The following LARP1B variants were observed in gnomAD, a reference collection of about 807,000 sequenced individuals.
The protein encoded by LARP1B is La ribonucleoprotein 1B.
A neutral mutation model predicts 114.2 loss-of-function variants in LARP1B; 76 were observed. The ratio of observed to expected loss-of-function variants is 0.67; its 90% CI spans 0.55 to 0.81. The LOEUF (loss-of-function observed/expected upper bound fraction) is 0.81, where lower values mean the gene tolerates loss of function less well. Among genes scored for constraint, LARP1B ranks in the 30% least tolerant of loss-of-function variants. LARP1B has a pLI of 0.00. For synonymous variants in LARP1B, 345 were observed against 348.0 expected (o/e 0.99, Z 0.10); for missense variants, 1,014 against 1,075.8 (o/e 0.94, Z 0.80).
intron 10 of LARP1B, among the ~76,000 whole-genome samples, chr4:128,117,145 G>C (rs1283972815): frequency 6.6e-6 from 1 of 151,404 alleles, no homozygotes; most frequent in Admixed American, 6.6e-5. Flanking sequence ...CTCCTGATCC[G>C]CCTGCCTTAG....
rs1355152751 is a variant in LARP1B, at chr4:128,200,575, TCTG to T, written c.2220_2222del (p.Phe740_Trp741delinsLeu). On this transcript the variant is annotated inframe_deletion, in exon 17 of 20. Transcript: ENST00000326639. ...CAAGAAATGAATACCCTCTTTCGTTTCTGGTCCTTTTTCCTCAGAGATCACTTC... is the reference window on the plus strand; with the variant it reads ...CAAGAAATGAATACCCTCTTTCGTTTGTCCTTTTTCCTCAGAGATCACTTC... 6.3e-7 allele frequency: 1 copy of T among 1,595,876 alleles called. No homozygotes were observed. Among genetic ancestry groups the T allele is most frequent in the Admixed American group, 1.7e-5 (1 of 58,108 alleles).
chr4:128,063,427 CAA>C (rs763868048), intron 1 of LARP1B, among the ~76,000 whole-genome samples: 12 of 13,218 alleles, frequency 9.1e-4, no homozygotes, highest in Admixed American at 2.7e-3. Context: ...GACCCACTCT[CAA>C]AAAAAAAAAA....
intron 6 of LARP1B, among the ~76,000 whole-genome samples, chr4:128,219,832 T>TAAATAAATAAATAAAA (rs745862797): frequency 6.7e-6 from 1 of 149,458 alleles, no homozygotes; most frequent in South Asian, 2.1e-4. Context: ...AATAAATAAA[T>TAAATAAATAAATAAAA]GGAATTAGGA....
At chr4:128,174,131 A>G (rs552755223) in intron 12 of LARP1B, among the ~76,000 whole-genome samples, 30 of 152,288 alleles carry the variant, frequency 2.0e-4, no homozygotes, top group African/African-American at 7.2e-4. Flanking sequence ...TAGAATGAGC[A>G]TACTACATTT....
chr4:128,122,487 A>G, intron 11 of LARP1B: 1 of 1,525,046 alleles, frequency 6.6e-7, no homozygotes, highest in Non-Finnish European at 8.7e-7. Context: ...TTTAGGTGAC[A>G]ATACTGAGAA....
At chr4:128,088,979 T>G (rs1397643628) in intron 5 of LARP1B, among the ~76,000 whole-genome samples, 1 of 152,042 alleles carries the variant, frequency 6.6e-6, no homozygotes, top group East Asian at 1.9e-4. Flanking sequence ...AGGAAATGTT[T>G]GAAAAAGACT....
In LARP1B at chr4:128,082,218, C is replaced by T. The variant is rs1397891162; in HGVS notation, c.271C>T (p.Gln91Ter). ...CTTAGATGTTGTAAGATCAGAGAGTCAAGAAAGACCTGGATCCCGGAACAG... is the reference window on the plus strand; with the variant it reads ...CTTAGATGTTGTAAGATCAGAGAGTTAAGAAAGACCTGGATCCCGGAACAG... ...LHLDVVRSESQERPGSRNSSR... is the reference protein window; with the variant it reads ...LHLDVVRSES The change falls in exon 5 of 20, where the codon CAA (glutamine) becomes TAA (stop). Residue 91 changes from glutamine to a stop codon, truncating the protein, a stop_gained. Coordinates refer to ENST00000326639, the MANE Select transcript of LARP1B (RefSeq NM_018078.4). LOFTEE classifies it high-confidence loss of function. 1 of 1,612,808 alleles carries T rather than the reference C, an allele frequency of 6.2e-7. No individual in the cohort carries two copies. Among genetic ancestry groups the T allele is most frequent in the Non-Finnish European group, 8.5e-7 (1 of 1,179,804 alleles).
chr4:128,151,061 A>G (rs934892925), intron 11 of LARP1B, among the ~76,000 whole-genome samples: 4 of 152,198 alleles, frequency 2.6e-5, no homozygotes, highest in Non-Finnish European at 5.9e-5. Context: ...AATACTTCAA[A>G]CCTTCAGAAA....
chr4:128,069,152 C>T, intron 1 of LARP1B: 6 of 1,111,132 alleles, frequency 5.4e-6, no homozygotes, highest in Non-Finnish European at 8.1e-6. Context: ...CATGCATCTT[C>T]CTATGCTTGT....
At chr4:128,156,447 T>G (rs1198222176) in intron 11 of LARP1B, among the ~76,000 whole-genome samples, 1 of 152,058 alleles carries the variant, frequency 6.6e-6, no homozygotes, top group Non-Finnish European at 1.5e-5. Context: ...AGACAAAATA[T>G]TTCCCATTTC....
intron 1 of LARP1B, among the ~76,000 whole-genome samples, chr4:128,064,271 C>A (rs1454006314): frequency 3.2e-3 from 258 of 79,538 alleles, no homozygotes; most frequent in East Asian, 4.9e-3. Flanking sequence ...GACTCAGTCT[C>A]AAAAAAAAAA....
At chr4:128,061,791 C>G in intron 1 of LARP1B, 1 of 984,920 alleles carries the variant, frequency 1.0e-6, no homozygotes, top group Non-Finnish European at 1.2e-6. Context: ...GCGAACCGGC[C>G]GGCCGAGCAG....
At chr4:128,208,629 A>T (rs985649616) in intron 19 of LARP1B, among the ~76,000 whole-genome samples, 1 of 152,202 alleles carries the variant, frequency 6.6e-6, no homozygotes, top group Non-Finnish European at 1.5e-5. Flanking sequence ...ACAACGGAAG[A>T]TTGGATGAGG....
chr4:128,073,572 GTTTTTTTTTTTTTTTTTTTTTTTTTT>G (rs568197117), intron 1 of LARP1B, among the ~76,000 whole-genome samples: 18 of 40,006 alleles, frequency 4.5e-4, no homozygotes, highest in African/African-American at 1.5e-3. Context: ...TATTGTTGTC[GTTTTTTTTTTTTTTTTTTTTTTTTTT>G]TTTTTTTTTT....
chr4:128,155,335 A>C, intron 11 of LARP1B: 1 of 529,600 alleles, frequency 1.9e-6, no homozygotes, highest in Admixed American at 3.2e-5. Flanking sequence ...CAAAATCTGG[A>C]AAGAGAGTCG....
chr4:128,136,824 A>G (rs1208849287), intron 11 of LARP1B, among the ~76,000 whole-genome samples: 3 of 151,564 alleles, frequency 2.0e-5, no homozygotes, highest in Non-Finnish European at 4.4e-5. Flanking sequence ...CTGGTCTTGA[A>G]CTCCTGGCCT....
intron 12 of LARP1B, among the ~76,000 whole-genome samples, chr4:128,166,898 A>T (rs543608150): frequency 4.3e-5 from 6 of 140,822 alleles, no homozygotes; most frequent in Non-Finnish European, 1.5e-5. Flanking sequence ...AAATGGCAGG[A>T]TCTCCTTTTT....
downstream of LARP1B, among the ~76,000 whole-genome samples, chr4:128,212,521 T>C (rs944648723): frequency 1.5e-4 from 23 of 151,908 alleles, no homozygotes; most frequent in African/African-American, 5.1e-4. Flanking sequence ...GTGGTGCATG[T>C]CTGTAATCTC....
At chr4:128,183,048 T>G (rs1749093446) in intron 15 of LARP1B, among the ~76,000 whole-genome samples, 1 of 152,156 alleles carries the variant, frequency 6.6e-6, no homozygotes, top group Non-Finnish European at 1.5e-5. Flanking sequence ...AGAAGCTGTC[T>G]CCATAATATA....
Sources: allele counts gnomAD v4.1 joint callset (sites outside exome capture counted in the v4.1 genomes callset), GRCh38; gene constraint gnomAD v4.1.1; transcripts MANE v1.5; gene names NCBI Gene and HGNC (gene_info 2026-07-23, HGNC 2026-07-21).